MACROD2: variants seen among roughly 807,000 people sequenced by gnomAD.
The protein encoded by MACROD2 is mono-ADP ribosylhydrolase 2.
In MACROD2, 36 loss-of-function variants were observed where a neutral mutation model predicts 70.4. That is an observed-to-expected ratio of 0.51 (90% CI 0.39 to 0.68). MACROD2 has a LOEUF of 0.68. Ranked by LOEUF, MACROD2 falls within the 30% of genes least tolerant of loss-of-function variation. The pLI, the probability that MACROD2 is intolerant of heterozygous loss-of-function variation, is 0.00. For synonymous variants in MACROD2, 172 were observed against 178.8 expected, an observed-to-expected ratio of 0.96 and a Z score of 0.30; for missense variants, 496 against 538.4, an observed-to-expected ratio of 0.92 and a Z score of 0.78.
At chr20:15,885,738 C>T in intron 9 of MACROD2, 26 bp from the exon 10 acceptor site, 1 of 1,460,658 alleles carries the variant, frequency 6.8e-7, no homozygotes, top group Non-Finnish European at 9.1e-7. Context: ...ATAAGTATTT[C>T]TTTATGTTTT....
At chr20:15,833,262 C>T (rs1023786906) in intron 8 of MACROD2, among the ~76,000 whole-genome samples, 3 of 152,214 alleles carry the variant, frequency 2.0e-5, no homozygotes, top group East Asian at 1.9e-4. Context: ...AATTCACACA[C>T]GCACACTAAT....
chr20:15,732,965 C>T (rs1359331628), intron 8 of MACROD2, among the ~76,000 whole-genome samples: 7 of 152,060 alleles, frequency 4.6e-5, no homozygotes, highest in South Asian at 2.1e-4. Flanking sequence ...TGATTCATAA[C>T]CTTTCTTAAT....
intron 3 of MACROD2, among the ~76,000 whole-genome samples, chr20:14,112,879 T>G (rs2054469705): frequency 6.6e-6 from 1 of 151,978 alleles, no homozygotes; most frequent in African/African-American, 2.4e-5. Flanking sequence ...TCATGAAATA[T>G]AAATCTATAC....
intron 8 of MACROD2, among the ~76,000 whole-genome samples, chr20:15,812,258 C>A (rs2063829022): frequency 6.6e-6 from 1 of 152,136 alleles, no homozygotes; most frequent in African/African-American, 2.4e-5. Context: ...TGAATTGAGT[C>A]CTTTCTCTTA....
chr20:14,991,230 T>C (rs1193824048), intron 5 of MACROD2, among the ~76,000 whole-genome samples: 1 of 152,138 alleles, frequency 6.6e-6, no homozygotes, highest in Non-Finnish European at 1.5e-5. Context: ...CGTTGCCCCA[T>C]TTCCCAACTG....
chr20:15,240,393 A>T (rs1309831759), intron 6 of MACROD2, among the ~76,000 whole-genome samples: 1 of 152,162 alleles, frequency 6.6e-6, no homozygotes, highest in Non-Finnish European at 1.5e-5. Flanking sequence ...TACAGCAAGC[A>T]TATTACACTT....
At chr20:15,706,563 A>G (rs1400462610) in intron 8 of MACROD2, among the ~76,000 whole-genome samples, 1 of 152,210 alleles carries the variant, frequency 6.6e-6, no homozygotes, top group Non-Finnish European at 1.5e-5. Context: ...ATAAAAAGAG[A>G]GTAATTGCAT....
At chr20:14,091,231 A>C (rs1487305144) in intron 3 of MACROD2, among the ~76,000 whole-genome samples, 1 of 152,072 alleles carries the variant, frequency 6.6e-6, no homozygotes, top group African/African-American at 2.4e-5. Context: ...TGCTGGGCAG[A>C]AGTTTTTTAG....
chr20:14,607,108 G>A (rs757707056), intron 4 of MACROD2, among the ~76,000 whole-genome samples: 9 of 152,080 alleles, frequency 5.9e-5, no homozygotes, highest in South Asian at 2.1e-4. Flanking sequence ...ACTGAATTTC[G>A]TCTGGATTGA....
At chr20:15,175,446 T>G (rs2076453646) in intron 5 of MACROD2, among the ~76,000 whole-genome samples, 1 of 151,686 alleles carries the variant, frequency 6.6e-6, no homozygotes, top group African/African-American at 2.4e-5. Flanking sequence ...AAAATAAAAT[T>G]TAAAAAAAGA....
chr20:14,748,326 C>T (rs12481462), intron 5 of MACROD2, among the ~76,000 whole-genome samples: 62,468 of 151,836 alleles, frequency 0.41, 13,228 homozygotes, highest in South Asian at 0.59. Context: ...GTACATAACT[C>T]ATTGGGGAAC....
At chr20:15,097,576 A>T (rs2075843237) in intron 5 of MACROD2, among the ~76,000 whole-genome samples, 1 of 152,196 alleles carries the variant, frequency 6.6e-6, no homozygotes, top group South Asian at 2.1e-4. Flanking sequence ...TCCAAATAAA[A>T]TGTCATAAGT....
chr20:14,819,623 T>C (rs565944334), intron 5 of MACROD2, among the ~76,000 whole-genome samples: 1 of 151,974 alleles, frequency 6.6e-6, no homozygotes, highest in African/African-American at 2.4e-5. Flanking sequence ...GGAAATTCAG[T>C]TGATAAGAGA....
chr20:15,328,967 T>C (rs1174295633), intron 6 of MACROD2, among the ~76,000 whole-genome samples: 2 of 152,016 alleles, frequency 1.3e-5, no homozygotes, highest in African/African-American at 4.8e-5. Flanking sequence ...GAAGAAATGG[T>C]TAAAATACTA....
chr20:15,494,043 C>T (rs913869723), intron 7 of MACROD2, among the ~76,000 whole-genome samples: 10 of 152,110 alleles, frequency 6.6e-5, no homozygotes, highest in South Asian at 2.1e-4. Context: ...TGCTTTGCAG[C>T]GAGAAGACAG....
At chr20:14,105,816 C>G (rs1295857918) in intron 3 of MACROD2, among the ~76,000 whole-genome samples, 1 of 152,162 alleles carries the variant, frequency 6.6e-6, no homozygotes, top group Non-Finnish European at 1.5e-5. Context: ...AGCTCAGCCA[C>G]AGTAGGATAG....
chr20:15,076,734 C>A (rs6034103), intron 5 of MACROD2, among the ~76,000 whole-genome samples: 66,953 of 151,940 alleles, frequency 0.44, 16,109 homozygotes, highest in East Asian at 0.68. Flanking sequence ...GTTATTTCTT[C>A]TTTTATTTAT....
At chr20:15,604,509 T>C (rs1421782696) in intron 8 of MACROD2, among the ~76,000 whole-genome samples, 1 of 152,174 alleles carries the variant, frequency 6.6e-6, no homozygotes, top group Non-Finnish European at 1.5e-5. Flanking sequence ...TATCCAAAAG[T>C]AAAGCACCAG....
At chr20:15,339,059 G>T (rs1413105077) in intron 6 of MACROD2, among the ~76,000 whole-genome samples, 1 of 151,638 alleles carries the variant, frequency 6.6e-6, no homozygotes, top group Non-Finnish European at 1.5e-5. Context: ...TAGCAAATAT[G>T]CCATAAGTAG....
Sources: allele counts gnomAD v4.1 joint callset (sites outside exome capture counted in the v4.1 genomes callset), GRCh38; gene constraint gnomAD v4.1.1; transcripts MANE v1.5; gene names NCBI Gene and HGNC (gene_info 2026-07-23, HGNC 2026-07-21).